COL4A6: variants seen among roughly 807,000 people sequenced by gnomAD.
The protein encoded by COL4A6 is collagen alpha-6(IV) chain.
A neutral mutation model predicts 126.7 loss-of-function variants in COL4A6; 59 were observed. The ratio of observed to expected loss-of-function variants is 0.47; its 90% CI spans 0.38 to 0.58. The LOEUF is 0.58. COL4A6 is among the 20% of genes least tolerant of loss of function. The pLI, the probability that COL4A6 is intolerant of heterozygous loss-of-function variation, is 0.00. For synonymous variants in COL4A6, 547 were observed against 496.6 expected, an observed-to-expected ratio of 1.10 and a Z score of -1.35; for missense variants, 1,285 against 1,337.3, an observed-to-expected ratio of 0.96 and a Z score of 0.61.
At chrX:108,196,088 G>A (rs903600272) in intron 14 of COL4A6, among the ~76,000 whole-genome samples, 3 of 111,254 alleles carry the variant, frequency 2.7e-5, no homozygotes, top group African/African-American at 6.5e-5. Context: ...AACTTTCCAG[G>A]CTTGTTTCTG....
In COL4A6 at chrX:108,221,418, G is replaced by C; in HGVS notation, c.145-44C>G. 4.3e-6 allele frequency: 5 copies of C among 1,162,998 alleles called. No homozygotes were observed. The South Asian group carries it at 9.5e-5, about 22-fold the overall frequency. On this transcript the variant is annotated intron_variant, in intron 3 of 44. Coordinates refer to ENST00000334504, the MANE Select transcript of COL4A6 (RefSeq NM_033641.4). Reference sequence around the variant, plus strand: ...GTGCAATTAGTCAATAGAGGACTTAGCATTAATACTTCTCATTTTCCCACG... The same window carrying C: ...GTGCAATTAGTCAATAGAGGACTTACCATTAATACTTCTCATTTTCCCACG...
intron 2 of COL4A6, among the ~76,000 whole-genome samples, chrX:108,401,120 G>A (rs2041079322): frequency 9.0e-6 from 1 of 111,159 alleles, no homozygotes; most frequent in Non-Finnish European, 1.9e-5. Flanking sequence ...CAAAAAAGCT[G>A]ATTTGAGGTG....
chrX:108,216,412 C>A (rs1354108079), intron 5 of COL4A6, among the ~76,000 whole-genome samples: 1 of 111,957 alleles, frequency 8.9e-6, no homozygotes, highest in Non-Finnish European at 1.9e-5. Context: ...CTAATACCTA[C>A]CTTATAGAGT....
intron 2 of COL4A6, among the ~76,000 whole-genome samples, chrX:108,321,778 A>G (rs1266654311): frequency 1.8e-5 from 2 of 111,058 alleles, no homozygotes; most frequent in Non-Finnish European, 3.8e-5. Context: ...CTCTTTGGCT[A>G]GATCAGACCT....
intron 28 of COL4A6, among the ~76,000 whole-genome samples, chrX:108,176,481 T>C: frequency 9.0e-6 from 1 of 111,181 alleles, no homozygotes; most frequent in Non-Finnish European, 1.9e-5. Context: ...TTCCCTTTTT[T>C]TAAATGGAGA....
intron 3 of COL4A6, among the ~76,000 whole-genome samples, chrX:108,256,986 C>G (rs957259734): frequency 1.8e-5 from 2 of 111,369 alleles, no homozygotes; most frequent in African/African-American, 6.5e-5. Flanking sequence ...TATGGAAACA[C>G]AAGAGGGGAA....
chrX:108,174,662 A>C, intron 30 of COL4A6, 41 bp from the exon 31 acceptor site: 5 of 1,108,939 alleles, frequency 4.5e-6, no homozygotes, highest in Non-Finnish European at 6.0e-6. Flanking sequence ...GACACTGGGC[A>C]AGAAAAACCC....
rs1348531386 is a variant in COL4A6 at position 108,187,163 on chromosome X, G to A, written c.1884C>T (p.Pro628=). The A allele has an allele frequency of 8.4e-7, 1 of 1,196,731 alleles. No homozygotes were observed. ...PGNGLPGLPG[P]RGLPGDKGKD... ...TGCCTTTATCTCCAGGAAGCCCACGGGGTCCAGGAAGTCCTGGTAACCCAT... is the reference window on the plus strand; with the variant it reads ...TGCCTTTATCTCCAGGAAGCCCACGAGGTCCAGGAAGTCCTGGTAACCCAT... The change falls in exon 23 of 45, where the codon CCC becomes CCT. Residue 628 remains proline (P), a synonymous_variant. Transcript: ENST00000334504.
chrX:108,165,267 A>T, intron 38 of COL4A6, 103 bp downstream of exon 38: 1 of 795,391 alleles, frequency 1.3e-6, no homozygotes, highest in Non-Finnish European at 1.9e-6. Flanking sequence ...AAACACGCCC[A>T]CATATGTCCA....
rs376804471 is a variant in COL4A6 at position 108,437,935 on chromosome X, G to A, written c.63+7C>T. On this transcript the variant is annotated splice_region_variant and intron_variant, in intron 2 of 44. Transcript: ENST00000334504. The stretch of plus-strand genomic sequence containing the variant: ...GGGACGGAAAAGGGTCGTGAGAAGA[G>A]ACTCACCGCTGCTGCCAGTTCCTCG... 1.1e-4 allele frequency: 132 copies of A among 1,208,432 alleles called. No homozygotes were observed. The highest frequency in any genetic ancestry group is 7.9e-5 in the Non-Finnish European group (71 of 894,538).
chrX:108,340,838 T>TGG (rs11347372), intron 2 of COL4A6, among the ~76,000 whole-genome samples: 2 of 63,102 alleles, frequency 3.2e-5, no homozygotes, highest in East Asian at 4.5e-4. Flanking sequence ...ACTAGTGGGG[T>TGG]GGGGGGGGGG....
chrX:108,364,250 T>A (rs1433051179), intron 2 of COL4A6, among the ~76,000 whole-genome samples: 1 of 109,957 alleles, frequency 9.1e-6, no homozygotes, highest in Non-Finnish European at 1.9e-5. Context: ...GAACCTTTTA[T>A]CTCCTTCCAC....
intron 23 of COL4A6, among the ~76,000 whole-genome samples, chrX:108,186,177 C>T (rs1382846850): frequency 9.0e-6 from 1 of 111,633 alleles, no homozygotes; most frequent in Non-Finnish European, 1.9e-5. Flanking sequence ...GATATTGGCA[C>T]TTTACAGATA....
At chrX:108,325,882 T>C (rs915155976) in intron 2 of COL4A6, among the ~76,000 whole-genome samples, 2 of 111,147 alleles carry the variant, frequency 1.8e-5, no homozygotes, top group African/African-American at 6.5e-5. Flanking sequence ...TCTACTGTGA[T>C]AAAAACTCAA....
chrX:108,311,972 C>T (rs1018407491), intron 2 of COL4A6, among the ~76,000 whole-genome samples: 5 of 111,812 alleles, frequency 4.5e-5, no homozygotes, highest in African/African-American at 1.3e-4. Context: ...TTTCTAAGTC[C>T]TTTGTCTACC....
At chrX:108,348,097 A>G (rs1198672047) in intron 2 of COL4A6, among the ~76,000 whole-genome samples, 1 of 111,663 alleles carries the variant, frequency 9.0e-6, no homozygotes, top group Non-Finnish European at 1.9e-5. Context: ...TAACTCGAAA[A>G]CAGTCTTTGT....
intron 2 of COL4A6, among the ~76,000 whole-genome samples, chrX:108,372,591 T>G (rs1964300043): frequency 9.0e-6 from 1 of 111,083 alleles, no homozygotes; most frequent in African/African-American, 3.3e-5. Context: ...AGTCTAAGAG[T>G]GTCAGAGGGA....
At chrX:108,388,585 G>A (rs1474045128) in intron 2 of COL4A6, among the ~76,000 whole-genome samples, 2 of 110,669 alleles carry the variant, frequency 1.8e-5, no homozygotes, top group Non-Finnish European at 1.9e-5. Context: ...TTTTTATTGC[G>A]TCTATTTGAT....
rs528200095 is a variant in COL4A6 at position 108,390,634 on chromosome X, C to G, written c.63+47308G>C. Among the ~76,000 whole-genome samples the G allele has an allele frequency of 2.4e-4, 26 of 109,600 alleles. No individual in the cohort carries two copies. The Admixed American group carries it at 2.6e-3, about 11-fold the overall frequency. ...TATTCTAGTTAGCAATTTGTCTAAC[C>G]TTTTTTCAAGGTTCTTAGCTTCCTT... On this transcript the variant is annotated intron_variant, in intron 2 of 44. Coordinates refer to ENST00000334504, the MANE Select transcript of COL4A6 (RefSeq NM_033641.4).
Sources: gnomAD v4.1 joint callset for allele counts (sites outside exome capture counted in the v4.1 genomes callset) on GRCh38, gnomAD v4.1.1 for gene constraint, MANE v1.5 for transcripts, NCBI Gene and HGNC (gene_info 2026-07-23, HGNC 2026-07-21) for gene names.